Variants in ZNF678 observed in about 807,000 individuals in gnomAD.
ZNF678 encodes zinc finger protein 678.
Under a neutral mutation model 3.0 loss-of-function variants are expected in ZNF678, and 5 were observed. The observed-to-expected ratio is 1.69, with a 90% confidence interval of 0.88 to 3.56. The LOEUF is 3.56. Ranked by LOEUF, ZNF678 falls within the 30% of genes most tolerant of loss-of-function variation. The probability of loss-of-function intolerance (pLI) is 0.00; values close to 1 mark genes in which losing one functional copy is unlikely to be tolerated. For synonymous variants in ZNF678, 218 were observed against 199.6 expected (o/e 1.09, Z -0.78); for missense variants, 593 against 605.0 (o/e 0.98, Z 0.21).
chr1:227,575,411 A>G (rs1338015808), intron 1 of ZNF678, among the ~76,000 whole-genome samples: 4 of 151,740 alleles, frequency 2.6e-5, no homozygotes, highest in Non-Finnish European at 5.9e-5. Flanking sequence ...TGTGTTGTCT[A>G]ATTTTTTGAG....
chr1:227,654,551 G>T lies in ZNF678; in HGVS notation c.301G>T (p.Glu101Ter), dbSNP rs1163116919. ...TAAAAGCAAAATCTTTCAATGTATT[G>T]AATGTGGCAGAAATTTTAGCTGGAG... ...STKSKIFQCI[E>*]CGRNFSWRSI... The change falls in exon 4 of 4, where the codon GAA (glutamate) becomes TAA (stop). Residue 101 changes from glutamate to a stop codon, truncating the protein, a stop_gained. Transcript: ENST00000343776. LOFTEE classifies it low-confidence loss of function (END_TRUNC). 6.2e-7 allele frequency: 1 copy of T among 1,613,294 alleles called. No individual in the cohort carries two copies. Among genetic ancestry groups the T allele is most frequent in the East Asian group, 2.2e-5 (1 of 44,846 alleles).
downstream of ZNF678, among the ~76,000 whole-genome samples, chr1:227,664,711 T>C (rs1220498702): frequency 6.6e-6 from 1 of 152,092 alleles, no homozygotes; most frequent in African/African-American, 2.4e-5. Flanking sequence ...GTCTCTAGAA[T>C]GTAGGTGCCT....
intron 1 of ZNF678, among the ~76,000 whole-genome samples, chr1:227,609,208 A>G (rs1431334525): frequency 1.3e-5 from 2 of 152,228 alleles, no homozygotes; most frequent in Admixed American, 1.3e-4. Context: ...AAGTTAATAT[A>G]CAATGCACAG....
At chr1:227,614,569 G>A (rs1043440028) in intron 1 of ZNF678, among the ~76,000 whole-genome samples, 1 of 152,158 alleles carries the variant, frequency 6.6e-6, no homozygotes, top group African/African-American at 2.4e-5. Context: ...TTCTAGATCG[G>A]CTTCCATAAA....
At chr1:227,564,821 TC>T (rs1656627572) in intron 1 of ZNF678, among the ~76,000 whole-genome samples, 1 of 152,066 alleles carries the variant, frequency 6.6e-6, no homozygotes. Flanking sequence ...AACCTCTGCC[TC>T]CCGGGTTCAA....
intron 1 of ZNF678, among the ~76,000 whole-genome samples, chr1:227,585,628 C>G (rs1475079137): frequency 6.6e-6 from 1 of 152,088 alleles, no homozygotes; most frequent in Admixed American, 6.5e-5. Flanking sequence ...CAAAAATTAG[C>G]TGGATGTGGT....
downstream of ZNF678, among the ~76,000 whole-genome samples, chr1:227,664,491 C>T (rs572225983): frequency 1.3e-5 from 2 of 152,228 alleles, no homozygotes; most frequent in South Asian, 2.1e-4. Flanking sequence ...CTGCATGGGC[C>T]TCTCCTGAGA....
intron 1 of ZNF678, among the ~76,000 whole-genome samples, chr1:227,634,733 CTG>C (rs1260943977): frequency 1.3e-5 from 2 of 152,304 alleles, no homozygotes; most frequent in African/African-American, 2.4e-5. Context: ...AAGGACTTGA[CTG>C]TAGTCCCTGG....
intron 2 of ZNF678, among the ~76,000 whole-genome samples, chr1:227,650,074 C>A (rs1659052683): frequency 6.6e-6 from 1 of 151,982 alleles, no homozygotes. Flanking sequence ...ATGTCATATT[C>A]AAAAAATCAT....
chr1:227,613,194 C>T (rs551440156), intron 1 of ZNF678, among the ~76,000 whole-genome samples: 14 of 152,304 alleles, frequency 9.2e-5, no homozygotes, highest in East Asian at 5.8e-4. Flanking sequence ...TACCTCTACT[C>T]CTCATCTCCA....
intron 1 of ZNF678, among the ~76,000 whole-genome samples, chr1:227,581,119 G>A (rs1657119547): frequency 6.6e-6 from 1 of 151,872 alleles, no homozygotes; most frequent in South Asian, 2.1e-4. Flanking sequence ...AGAAAATGTA[G>A]TATGGTTTCT....
chr1:227,588,326 A>G (rs1445002196), intron 1 of ZNF678, among the ~76,000 whole-genome samples: 1 of 152,012 alleles, frequency 6.6e-6, no homozygotes, highest in East Asian at 1.9e-4. Flanking sequence ...AGAATGATTT[A>G]TATTCTTTTG....
Position 227,655,932 on chromosome 1 carries a change from G to A in ZNF678, c.*104G>A, listed in dbSNP as rs1280330522. 12 of 937,596 alleles carry A rather than the reference G, an allele frequency of 1.3e-5. No individual in the cohort carries two copies. The Admixed American group carries it at 2.6e-4, about 21-fold the overall frequency. 58.1% of individuals were successfully genotyped at this position (937,596 alleles called of 1,614,324 possible). On this transcript the variant is annotated 3_prime_UTR_variant, in exon 4 of 4. Transcript: ENST00000343776. The stretch of plus-strand genomic sequence containing the variant: ...TTTCACAAAATGTAAGCTTCAGAGT[G>A]CACAACACTATACTGAATGAAATTT...
At chr1:227,667,795 C>A (rs2102818960) in intron 5 of ZNF678, among the ~76,000 whole-genome samples, 1 of 152,238 alleles carries the variant, frequency 6.6e-6, no homozygotes, top group South Asian at 2.1e-4. Context: ...ATTTATCAGG[C>A]TCCTAATGGA....
chr1:227,604,521 G>T (rs1431455471), intron 1 of ZNF678, among the ~76,000 whole-genome samples: 8 of 152,026 alleles, frequency 5.3e-5, no homozygotes, highest in Admixed American at 5.2e-4. Context: ...GAGTAGCTGG[G>T]ACTACAGGAT....
intron 1 of ZNF678, among the ~76,000 whole-genome samples, chr1:227,596,133 A>G (rs1371691195): frequency 6.6e-6 from 1 of 152,146 alleles, no homozygotes; most frequent in African/African-American, 2.4e-5. Flanking sequence ...CCTACCCGGG[A>G]GCACTCTCAG....
intron 1 of ZNF678, among the ~76,000 whole-genome samples, chr1:227,630,787 T>C (rs1187414133): frequency 6.6e-6 from 1 of 152,144 alleles, no homozygotes; most frequent in East Asian, 1.9e-4. Context: ...TCCTTATTAG[T>C]TGGGGAAGGA....
At chr1:227,651,276 A>G (rs1292707890) in intron 3 of ZNF678, among the ~76,000 whole-genome samples, 200 bp downstream of exon 3, 2 of 151,868 alleles carry the variant, frequency 1.3e-5, no homozygotes, top group African/African-American at 4.8e-5. Flanking sequence ...CAGCACTTTG[A>G]TCTATAGGGC....
downstream of ZNF678, among the ~76,000 whole-genome samples, chr1:227,664,883 A>G (rs10916192): frequency 0.21 from 31,917 of 151,982 alleles, 3,805 homozygotes; most frequent in East Asian, 0.44. Flanking sequence ...TTGCCTATAC[A>G]CAGTTATGCA....
Sources: gnomAD v4.1 joint callset for allele counts (sites outside exome capture counted in the v4.1 genomes callset) on GRCh38, gnomAD v4.1.1 for gene constraint, MANE v1.5 for transcripts, NCBI Gene and HGNC (gene_info 2026-07-23, HGNC 2026-07-21) for gene names.